Variants in HECW2 observed in about 807,000 individuals in gnomAD.
HECW2 encodes E3 ubiquitin-protein ligase HECW2.
In HECW2, 61 loss-of-function variants were observed where a neutral mutation model predicts 175.2. That is an observed-to-expected ratio of 0.35 (90% CI 0.28 to 0.43). The LOEUF (loss-of-function observed/expected upper bound fraction) is 0.43, where lower values mean the gene tolerates loss of function less well. Among genes scored for constraint, HECW2 ranks in the 20% least tolerant of loss-of-function variants. HECW2 has a pLI of 1.00. For missense variants in HECW2, 1,524 were observed against 2,000.5 expected (o/e 0.76, Z 4.54); for synonymous variants, 671 against 731.0 (o/e 0.92, Z 1.32).
intron 1 of HECW2, among the ~76,000 whole-genome samples, chr2:196,558,889 G>C (rs1253982985): frequency 6.6e-6 from 1 of 152,152 alleles, no homozygotes; most frequent in African/African-American, 2.4e-5. Context: ...AAAAAAACCT[G>C]TATGGAATTG....
At chr2:196,554,235 A>C (rs1295717649) in intron 1 of HECW2, among the ~76,000 whole-genome samples, 1 of 151,980 alleles carries the variant, frequency 6.6e-6, no homozygotes, top group Non-Finnish European at 1.5e-5. Flanking sequence ...CTGAGGCAGG[A>C]GAATGGCGTG....
At chr2:196,203,574 A>G (rs548606086) in intron 28 of HECW2, among the ~76,000 whole-genome samples, 2 of 152,244 alleles carry the variant, frequency 1.3e-5, no homozygotes, top group Non-Finnish European at 2.9e-5. Flanking sequence ...CTATTTTACA[A>G]TTTTCATTTC....
chr2:196,566,163 A>T (rs886191155), intron 1 of HECW2, among the ~76,000 whole-genome samples: 1 of 152,180 alleles, frequency 6.6e-6, no homozygotes, highest in Non-Finnish European at 1.5e-5. Flanking sequence ...AGGGAAATTA[A>T]ATTACTCTAA....
intron 1 of HECW2, among the ~76,000 whole-genome samples, chr2:196,444,602 C>G (rs568142863): frequency 1.3e-5 from 2 of 152,320 alleles, no homozygotes; most frequent in East Asian, 1.9e-4. Context: ...TCTATCTACT[C>G]TCTCCCTACA....
At chr2:196,407,215 T>C (rs2125219626) in intron 2 of HECW2, among the ~76,000 whole-genome samples, 1 of 151,980 alleles carries the variant, frequency 6.6e-6, no homozygotes, top group African/African-American at 2.4e-5. Context: ...AAAACTTTTT[T>C]TTTTTTTTTT....
intron 1 of HECW2, among the ~76,000 whole-genome samples, chr2:196,473,129 T>C (rs945875846): frequency 6.6e-6 from 1 of 152,236 alleles, no homozygotes; most frequent in Admixed American, 6.5e-5. Flanking sequence ...ACATTTATTC[T>C]GAAGTTTACT....
intron 17 of HECW2, chr2:196,269,496 C>CAAAAAAAAAAAAAAAAAAA (rs66656524): frequency 3.9e-5 from 2 of 51,318 alleles, no homozygotes; most frequent in African/African-American, 1.8e-4. Flanking sequence ...CCCCTACCTC[C>CAAAAAAAAAAAAAAAAAAA]AAAAAAAAAA....
chr2:196,547,111 G>C (rs1689451147), intron 1 of HECW2, among the ~76,000 whole-genome samples: 3 of 152,186 alleles, frequency 2.0e-5, no homozygotes, highest in Admixed American at 2.0e-4. Flanking sequence ...TTTACCTCTA[G>C]TAAAGAGCTG....
chr2:196,214,225 A>C (rs1467305377), intron 28 of HECW2, among the ~76,000 whole-genome samples: 2 of 152,232 alleles, frequency 1.3e-5, no homozygotes, highest in Admixed American at 6.5e-5. Flanking sequence ...GGTAAGTAAC[A>C]GAGGTGGGAC....
intron 1 of HECW2, among the ~76,000 whole-genome samples, chr2:196,511,900 C>T (rs1477470261): frequency 6.6e-6 from 1 of 152,126 alleles, no homozygotes; most frequent in Admixed American, 6.6e-5. Context: ...GAACTTGGCA[C>T]CCTTGCTAAC....
chr2:196,573,776 G>A (rs904180359), intron 1 of HECW2, among the ~76,000 whole-genome samples: 2 of 152,016 alleles, frequency 1.3e-5, no homozygotes, highest in Non-Finnish European at 2.9e-5. Context: ...AGAAATAAAA[G>A]GCATCCAACT....
chr2:196,336,459 C>T (rs1035029617), intron 3 of HECW2, among the ~76,000 whole-genome samples: 5 of 152,166 alleles, frequency 3.3e-5, no homozygotes, highest in African/African-American at 4.8e-5. Flanking sequence ...AGCAAACATC[C>T]GTGGCTCTGT....
In HECW2 at chr2:196,307,999, G is replaced by C; in HGVS notation, c.2521C>G (p.Pro841Ala). The change falls in exon 11 of 29, where the codon CCC (proline) becomes GCC (alanine). Residue 841 changes from proline (P) to alanine (A), a missense_variant. Pro to Ala is a conservative substitution (Grantham distance 27). Coordinates refer to ENST00000644978, the MANE Select transcript of HECW2 (RefSeq NM_001348768.2). ...CTCTGCAGCACCTGCGGGGCTGGGG[G>C]AGCTGTCGGTCGCTGCCACGTCGTG... ...RTTTWQRPTA[P>A]PAPQVLQRSN... 1 of 1,605,984 alleles carries C rather than the reference G, an allele frequency of 6.2e-7. No individual in the cohort carries two copies. Among genetic ancestry groups the C allele is most frequent in the Non-Finnish European group, 8.5e-7 (1 of 1,173,928 alleles).
chr2:196,325,256 TATGTCCTGATTAGAAC>T, intron 5 of HECW2, 107 bp from the exon 6 acceptor site: 1 of 783,450 alleles, frequency 1.3e-6, no homozygotes, highest in South Asian at 2.0e-5. Context: ...GAAGGATTCA[TATGTCCTGATTAGAAC>T]AAGCAGCTCA....
At chr2:196,555,716 A>C (rs1689771208) in intron 1 of HECW2, among the ~76,000 whole-genome samples, 1 of 152,246 alleles carries the variant, frequency 6.6e-6, no homozygotes, top group South Asian at 2.1e-4. Context: ...GTATTTTTTA[A>C]AAAGAAAAGA....
At chr2:196,299,719 G>C (rs1690961442) in intron 13 of HECW2, among the ~76,000 whole-genome samples, 1 of 152,168 alleles carries the variant, frequency 6.6e-6, no homozygotes, top group Non-Finnish European at 1.5e-5. Context: ...CATGAGGTCA[G>C]GAGATCGAGA....
rs1686652110 is a variant in HECW2, at chr2:196,195,360, AG to A, written c.*5916del. 1 of 152,254 alleles carries A rather than the reference AG, an allele frequency of 6.6e-6. No individual in the cohort carries two copies. Among genetic ancestry groups the A allele is most frequent in the South Asian group, 2.1e-4 (1 of 4,834 alleles). The allele number at this position is 152,254 out of a possible 1,614,324, so 9.4% of individuals were successfully genotyped here. A position where few individuals can be genotyped will look rare whatever the true frequency, so the allele number is the denominator to read the frequency against. On this transcript the variant is annotated 3_prime_UTR_variant, in exon 29 of 29. Coordinates refer to ENST00000644978, the MANE Select transcript of HECW2 (RefSeq NM_001348768.2). ...GTAATATCTTAAAAGTCATATAGAAAGATATCACCTGCCCAAGGGCACTACA... is the reference window on the plus strand; with the variant it reads ...GTAATATCTTAAAAGTCATATAGAAAATATCACCTGCCCAAGGGCACTACA...
chr2:196,537,709 A>T (rs2125460877), intron 1 of HECW2, among the ~76,000 whole-genome samples: 1 of 152,334 alleles, frequency 6.6e-6, no homozygotes, highest in South Asian at 2.1e-4. Flanking sequence ...TTAAGGGAAC[A>T]AATTAATCAT....
At chr2:196,517,757 T>C (rs895699857) in intron 1 of HECW2, among the ~76,000 whole-genome samples, 1 of 152,226 alleles carries the variant, frequency 6.6e-6, no homozygotes, top group Non-Finnish European at 1.5e-5. Flanking sequence ...GTGGCACTCA[T>C]ATAAGGTAAA....
Sources: gnomAD v4.1 joint callset for allele counts (sites outside exome capture counted in the v4.1 genomes callset) on GRCh38, gnomAD v4.1.1 for gene constraint, MANE v1.5 for transcripts, NCBI Gene and HGNC (gene_info 2026-07-23, HGNC 2026-07-21) for gene names.